The following ZIM2 variants were observed in gnomAD, a reference collection of about 807,000 sequenced individuals.
The protein encoded by ZIM2 is zinc finger protein 656.
A neutral mutation model predicts 38.6 loss-of-function variants in ZIM2; 14 were observed. The observed-to-expected ratio is 0.36, with a 90% CI of 0.24 to 0.57. The LOEUF is 0.57. ZIM2 is among the 20% of genes least tolerant of loss of function. The pLI, the probability that ZIM2 is intolerant of heterozygous loss-of-function variation, is 0.81. For missense variants in ZIM2, 680 were observed against 695.1 expected, an observed-to-expected ratio of 0.98 and a Z score of 0.24; for synonymous variants, 247 against 245.8, an observed-to-expected ratio of 1.00 and a Z score of -0.04.
chr19:56,813,402 T>A (rs550136201), intron 9 of ZIM2: 2 of 1,257,826 alleles, frequency 1.6e-6, no homozygotes, highest in African/African-American at 3.0e-5. Context: ...TCTGGAATAC[T>A]CATAGGGTTT....
At position 56,821,926 on chromosome 19, in the gene ZIM2, C is replaced by G. The variant is rs532868944; in HGVS notation, c.191-172G>C. ...GAGGAGTCCCATAAAACCAGTGGCCCTACAACAACCCAGACCCAGGGCAGG... is the reference window on the plus strand; with the variant it reads ...GAGGAGTCCCATAAAACCAGTGGCCGTACAACAACCCAGACCCAGGGCAGG... On this transcript the variant is annotated intron_variant, in intron 6 of 12. Transcript: ENST00000629319. 8.4e-4 allele frequency among the ~76,000 whole-genome samples: 128 copies of G among 152,010 alleles called. 1 individual carries two copies. Among genetic ancestry groups the G allele is most frequent in the African/African-American group, 2.9e-3 (119 of 41,474 alleles).
chr19:56,795,277 C>G (rs960071434), intron 9 of ZIM2, among the ~76,000 whole-genome samples: 3 of 152,200 alleles, frequency 2.0e-5, no homozygotes, highest in African/African-American at 4.8e-5. Flanking sequence ...GCCCTCGCCT[C>G]TGGGGTGGCT....
At chr19:56,837,227 C>T (rs535162522) in intron 1 of ZIM2, among the ~76,000 whole-genome samples, 1 of 152,120 alleles carries the variant, frequency 6.6e-6, no homozygotes, top group Non-Finnish European at 1.5e-5. Flanking sequence ...CTCCAGAGGC[C>T]CCACCCTACC....
chr19:56,801,231 C>T (rs969868743), intron 9 of ZIM2, among the ~76,000 whole-genome samples: 17 of 152,092 alleles, frequency 1.1e-4, no homozygotes, highest in Non-Finnish European at 1.8e-4. Flanking sequence ...CCACCTCTCC[C>T]GGTCTCTTTA....
At position 56,774,637 on chromosome 19, in the gene ZIM2, A is replaced by C. The variant is rs1358031782; in HGVS notation, c.*51T>G. 1 of 1,579,564 alleles carries C rather than the reference A, an allele frequency of 6.3e-7. No individual in the cohort carries two copies. Among genetic ancestry groups the C allele is most frequent in the South Asian group, 1.2e-5 (1 of 83,452 alleles). Reference sequence around the variant, plus strand: ...GGCCTTCTCACACTCACAACACTCTAGGAGGAAGCCAATAATGTTGAGAAA... The same window carrying C: ...GGCCTTCTCACACTCACAACACTCTCGGAGGAAGCCAATAATGTTGAGAAA... On this transcript the variant is annotated 3_prime_UTR_variant, in exon 13 of 13. Transcript: ENST00000629319.
Position 56,814,965 on chromosome 19 carries a change from T to C in ZIM2, c.490+2781A>G, listed in dbSNP as rs750135538. 1.2e-6 allele frequency: 2 copies of C among 1,614,136 alleles called. No homozygotes were observed. Among genetic ancestry groups the C allele is most frequent in the Non-Finnish European group, 1.7e-6 (2 of 1,179,978 alleles). Reference sequence around the variant, plus strand: ...ACTTTGGACATTCATACAGCTGCTCTCCAGTGTAATCTCTCTGATACTCGC... The same window carrying C: ...ACTTTGGACATTCATACAGCTGCTCCCCAGTGTAATCTCTCTGATACTCGC... On this transcript the variant is annotated intron_variant, in intron 9 of 12. Transcript: ENST00000629319. The surrounding 1 kb of genome is among the most constrained non-coding windows in gnomAD (Gnocchi z 5.8).
chr19:56,804,275 T>G (rs753180982), intron 9 of ZIM2, among the ~76,000 whole-genome samples: 2 of 152,170 alleles, frequency 1.3e-5, no homozygotes, highest in African/African-American at 4.8e-5. Context: ...TCAGGGTGGA[T>G]AGAAGCCTTT....
In ZIM2 at chr19:56,779,399, G is replaced by A. The variant is rs931022273; in HGVS notation, c.813C>T (p.Ser271=). ...CACCTTGACAAATCACTGTATGTCTGCTGTCTGTCTCCATTGCATATGATT... is the reference window on the plus strand; with the variant it reads ...CACCTTGACAAATCACTGTATGTCTACTGTCTGTCTCCATTGCATATGATT... ...EEESYAMETD[S]RHTVICQGES... Residue 271 remains serine, a synonymous_variant, in exon 12 of 13, where the codon AGC becomes AGT. Coordinates refer to ENST00000629319, the MANE Select transcript of ZIM2 (RefSeq NM_001387356.1). 1.2e-6 allele frequency: 2 copies of A among 1,613,728 alleles called. No homozygotes were observed. The highest frequency in any genetic ancestry group is 3.3e-5 in the Admixed American group (2 of 59,982).
At position 56,810,886 on chromosome 19, in the gene ZIM2, A is replaced by G. The variant is rs28648863; in HGVS notation, c.490+6860T>C. The G allele has an allele frequency of 4.8e-3, 4,649 of 962,824 alleles. 177 individuals are homozygous for G. In the African/African-American group the frequency reaches 0.075, roughly 16 times the overall value. The allele number at this position is 962,824 out of a possible 1,614,324, so 59.6% of individuals were successfully genotyped here. On this transcript the variant is annotated intron_variant, in intron 9 of 12. Coordinates refer to ENST00000629319, the MANE Select transcript of ZIM2 (RefSeq NM_001387356.1). ...CTCTGGGTATGTATTATGCACACCA[A>G]TGGAGACACACATAATACACTGTTA... is the stretch of plus-strand genomic sequence containing the variant.
rs775509719 is a variant in ZIM2 at position 56,779,394 on chromosome 19, T to C, written c.818A>G (p.His273Arg). 6 of 1,613,776 alleles carry C rather than the reference T, an allele frequency of 3.7e-6. No homozygotes were observed. The African/African-American group carries it at 6.7e-5, about 18-fold the overall frequency. Reference sequence around the variant, plus strand: ...CTACTCACCTTGACAAATCACTGTATGTCTGCTGTCTGTCTCCATTGCATA... The same window carrying C: ...CTACTCACCTTGACAAATCACTGTACGTCTGCTGTCTGTCTCCATTGCATA... ...ESYAMETDSRHTVICQGESHD... is the reference protein window; with the variant it reads ...ESYAMETDSRRTVICQGESHD... Residue 273 changes from histidine to arginine, a missense_variant, in exon 12 of 13, where the codon CAT becomes CGT. His to Arg is a conservative substitution (Grantham distance 29). Transcript: ENST00000629319.
intron 7 of ZIM2, among the ~76,000 whole-genome samples, chr19:56,819,137 T>C (rs1394705304): frequency 4.0e-5 from 6 of 151,802 alleles, no homozygotes; most frequent in Admixed American, 6.6e-5. Flanking sequence ...TAGAAAGGGA[T>C]TGGTGGGAAA....
chr19:56,812,124 A>C (rs2059582929), intron 9 of ZIM2: 1 of 967,098 alleles, frequency 1.0e-6, no homozygotes, highest in Non-Finnish European at 1.2e-6. Flanking sequence ...TTTTTTTTTA[A>C]ATTTTTTAAA....
chr19:56,815,093 C>A (rs763332875), intron 9 of ZIM2: 2 of 1,613,622 alleles, frequency 1.2e-6, no homozygotes, highest in Non-Finnish European at 1.7e-6. Context: ...GTGAGATCCA[C>A]AAAGCCCAGG....
At chr19:56,839,451 T>C (rs973198158) in intron 1 of ZIM2, among the ~76,000 whole-genome samples, 3 of 145,852 alleles carry the variant, frequency 2.1e-5, no homozygotes, top group African/African-American at 7.8e-5. Context: ...TCACATCTAA[T>C]GCTACCCAGT....
At chr19:56,775,970 G>A (rs187548246) in intron 12 of ZIM2, among the ~76,000 whole-genome samples, 24 of 152,030 alleles carry the variant, frequency 1.6e-4, no homozygotes, top group Admixed American at 7.2e-4. Flanking sequence ...GCATGGTGGC[G>A]CGTGCCTGTA....
intron 6 of ZIM2, 61 bp downstream of exon 6, chr19:56,822,692 G>C: frequency 6.3e-7 from 1 of 1,593,026 alleles, no homozygotes. Flanking sequence ...CTTTCCCCTT[G>C]AACCTGTGCA....
In ZIM2 at chr19:56,822,648, C is replaced by T. The variant is rs1380456638; in HGVS notation, c.190+105G>A. On this transcript the variant is annotated intron_variant, in intron 6 of 12. Transcript: ENST00000629319. Reference sequence around the variant, plus strand: ...ACTTTTGGGGAAGCGGAATATACTCCAAATGGAGCAGCAGAAACTTCGAGG... The same window carrying T: ...ACTTTTGGGGAAGCGGAATATACTCTAAATGGAGCAGCAGAAACTTCGAGG... 2.0e-6 allele frequency: 3 copies of T among 1,480,924 alleles called. No homozygotes were observed. In the African/African-American group the frequency reaches 4.2e-5, roughly 21 times the overall value. The allele number at this position is 1,480,924 out of a possible 1,614,324, so 91.7% of individuals were successfully genotyped here. A position where few individuals can be genotyped will look rare whatever the true frequency, so the allele number is the denominator to read the frequency against.
At chr19:56,840,038 C>T (rs2062808596) in intron 1 of ZIM2, among the ~76,000 whole-genome samples, 2 of 152,246 alleles carry the variant, frequency 1.3e-5, no homozygotes, top group East Asian at 1.9e-4. Context: ...GCCCCGCCCC[C>T]AGAGGGTAGC....
Position 56,836,040 on chromosome 19 carries a change from T to TG in ZIM2, c.-250dup, listed in dbSNP as rs762095642. ...CACCTGGACCCAGCCACCTAGCGTT[T>TG]GGACCTAGTCCCTCTTCCTCTCGCC... On this transcript the variant is annotated 5_prime_UTR_variant, in exon 2 of 13. Transcript: ENST00000629319. 3.9e-6 allele frequency: 2 copies of TG among 511,620 alleles called. No individual in the cohort carries two copies. Among genetic ancestry groups the TG allele is most frequent in the Non-Finnish European group, 7.8e-6 (2 of 256,566 alleles). 31.7% of individuals were successfully genotyped at this position (511,620 alleles called of 1,614,324 possible). A position where few individuals can be genotyped will look rare whatever the true frequency, so the allele number is the denominator to read the frequency against.
Sources: gnomAD v4.1 joint callset for allele counts (sites outside exome capture counted in the v4.1 genomes callset) on GRCh38, gnomAD v4.1.1 for gene constraint, Gnocchi (gnomAD v3.1) non-coding constraint, MANE v1.5 for transcripts, NCBI Gene and HGNC (gene_info 2026-07-23, HGNC 2026-07-21) for gene names.